Variants in RBFOX1 observed in about 807,000 individuals in gnomAD.
RBFOX1 encodes the protein RNA binding protein fox-1 homolog 1.
Under a neutral mutation model 57.7 loss-of-function variants are expected in RBFOX1, and 8 were observed. That is an observed-to-expected ratio of 0.14 (90% confidence interval 0.08 to 0.25). The LOEUF (loss-of-function observed/expected upper bound fraction) is 0.25, where lower values mean the gene tolerates loss of function less well. Ranked by LOEUF, RBFOX1 falls within the 10% of genes least tolerant of loss-of-function variation. RBFOX1 has a pLI of 1.00. For synonymous variants in RBFOX1, 326 were observed against 222.4 expected (o/e 1.47, Z -4.15); for missense variants, 611 against 548.5 (o/e 1.11, Z -1.14).
At chr16:6,859,162 T>TAC (rs1567593020) in intron 3 of RBFOX1, among the ~76,000 whole-genome samples, 1 of 90,112 alleles carries the variant, frequency 1.1e-5, no homozygotes, top group Non-Finnish European at 2.1e-5. Context: ...TGTATATATA[T>TAC]ACGTATATAT....
intron 1 of RBFOX1, among the ~76,000 whole-genome samples, chr16:5,424,964 C>CTCTTTCTT (rs1317746840): frequency 0.016 from 723 of 46,282 alleles, 71 homozygotes; most frequent in African/African-American, 0.069. Flanking sequence ...TTGTTTCTTT[C>CTCTTTCTT]TCTTTCTTTC....
rs752425405 is a variant in RBFOX1, at chr16:7,491,054, C to A, written c.28-27093C>A. Among the ~76,000 whole-genome samples the A allele has an allele frequency of 7.2e-5, 11 of 152,240 alleles. No homozygotes were observed. The South Asian group carries it at 8.3e-4, about 12-fold the overall frequency. The stretch of plus-strand genomic sequence containing the variant: ...CCATCAACTCCAGATTCTAAAGAGA[C>A]AACCAAATGGCTCACACTTCTTACC... On this transcript the variant is annotated intron_variant, in intron 4 of 15. Transcript: ENST00000550418.
At chr16:5,599,020 C>T in exon 3 of RBFOX1, 1 of 1,388,114 alleles carries the variant, frequency 7.2e-7, no homozygotes, top group Non-Finnish European at 9.9e-7. Context: ...GCATCCTTTT[C>T]AGCCTCTTTG....
intron 14 of RBFOX1, among the ~76,000 whole-genome samples, chr16:7,702,086 C>G (rs892275805): frequency 6.6e-6 from 1 of 152,186 alleles, no homozygotes; most frequent in Admixed American, 6.5e-5. Flanking sequence ...AGATTAAAAT[C>G]TTGGCCATAA....
intron 3 of RBFOX1, among the ~76,000 whole-genome samples, chr16:6,734,304 C>T (rs1214712175): frequency 6.6e-6 from 1 of 152,130 alleles, no homozygotes; most frequent in Non-Finnish European, 1.5e-5. Flanking sequence ...GAGATATTTG[C>T]TTTGTTCAGA....
rs116828820 is a variant in RBFOX1 at position 5,445,210 on chromosome 16, C to G, written c.220-22006C>G. 6.1e-3 allele frequency among the ~76,000 whole-genome samples: 926 copies of G among 152,188 alleles called. 7 individuals carry two copies. Among genetic ancestry groups the G allele is most frequent in the African/African-American group, 0.022 (894 of 41,504 alleles). ...TAGACCAGAGTGATATTGTGAGGGA[C>G]GTGGGAGTAGGGGACTAATATGACA... On this transcript the variant is annotated intron_variant, in intron 1 of 2. Coordinates refer to the RBFOX1 transcript ENST00000585867.
chr16:5,319,965 A>C (rs1249153904), intron 1 of RBFOX1, among the ~76,000 whole-genome samples: 2 of 152,172 alleles, frequency 1.3e-5, no homozygotes, highest in Non-Finnish European at 2.9e-5. Flanking sequence ...ACATCTTCCA[A>C]CATTTTGGTG....
At chr16:5,254,503 T>A (rs1357298458) in intron 1 of RBFOX1, among the ~76,000 whole-genome samples, 3 of 152,308 alleles carry the variant, frequency 2.0e-5, no homozygotes, top group East Asian at 3.9e-4. Flanking sequence ...GGAGTCTGTA[T>A]CATATTTATC....
intron 4 of RBFOX1, among the ~76,000 whole-genome samples, chr16:7,186,326 A>G (rs1483679848): frequency 9.9e-5 from 7 of 70,620 alleles, no homozygotes; most frequent in African/African-American, 4.3e-4. Flanking sequence ...AAATATAAAC[A>G]TAAACATATT....
At chr16:7,290,818 A>G (rs986355074) in intron 4 of RBFOX1, among the ~76,000 whole-genome samples, 1 of 152,232 alleles carries the variant, frequency 6.6e-6, no homozygotes. Context: ...GTTTAGAAGC[A>G]GACAGCTTAT....
intron 3 of RBFOX1, among the ~76,000 whole-genome samples, chr16:6,810,684 G>A (rs1422381114): frequency 6.6e-6 from 1 of 152,098 alleles, no homozygotes; most frequent in African/African-American, 2.4e-5. Context: ...AAGTCCTCTG[G>A]AAACGTACAA....
intron 2 of RBFOX1, among the ~76,000 whole-genome samples, chr16:6,592,584 T>C (rs2097726808): frequency 6.6e-6 from 1 of 152,226 alleles, no homozygotes; most frequent in Non-Finnish European, 1.5e-5. Context: ...GGCTCCACCA[T>C]GTAATACCTT....
intron 3 of RBFOX1, among the ~76,000 whole-genome samples, chr16:5,787,499 A>G (rs1173111495): frequency 6.6e-6 from 1 of 152,222 alleles, no homozygotes; most frequent in Admixed American, 6.5e-5. Flanking sequence ...AGGGGATGAC[A>G]CTGTATAAAC....
At chr16:7,189,982 A>G (rs538313954) in intron 4 of RBFOX1, among the ~76,000 whole-genome samples, 10 of 152,358 alleles carry the variant, frequency 6.6e-5, no homozygotes, top group African/African-American at 2.2e-4. Context: ...TCATTGAGCA[A>G]TGACAAAATC....
At chr16:7,238,182 G>A (rs1012815111) in intron 4 of RBFOX1, among the ~76,000 whole-genome samples, 1 of 152,174 alleles carries the variant, frequency 6.6e-6, no homozygotes, top group Non-Finnish European at 1.5e-5. Flanking sequence ...CAAGGGCTGG[G>A]AGAAAAGAGG....
At chr16:6,385,152 G>A (rs2092157924) in intron 2 of RBFOX1, among the ~76,000 whole-genome samples, 2 of 152,156 alleles carry the variant, frequency 1.3e-5, no homozygotes, top group Admixed American at 1.3e-4. Flanking sequence ...GTCATCATGG[G>A]AAGATGCTCT....
chr16:7,407,355 C>T (rs1427253916), intron 4 of RBFOX1, among the ~76,000 whole-genome samples: 1 of 143,588 alleles, frequency 7.0e-6, no homozygotes, highest in African/African-American at 2.6e-5. Context: ...AGAATTTTGA[C>T]TTCAAGGGAT....
intron 4 of RBFOX1, among the ~76,000 whole-genome samples, chr16:7,181,536 C>T (rs1460876716): frequency 6.7e-6 from 1 of 148,982 alleles, no homozygotes; most frequent in Non-Finnish European, 1.5e-5. Flanking sequence ...CTCCCTTGCT[C>T]TCTCTCTCTT....
intron 2 of RBFOX1, among the ~76,000 whole-genome samples, chr16:6,630,612 T>A (rs192058361): frequency 3.9e-5 from 6 of 152,318 alleles, no homozygotes; most frequent in Non-Finnish European, 4.4e-5. Flanking sequence ...TCCTTGCTAG[T>A]AGGAATCAGA....
Sources: gnomAD v4.1 joint callset for allele counts (sites outside exome capture counted in the v4.1 genomes callset) on GRCh38, gnomAD v4.1.1 for gene constraint, MANE v1.5 for transcripts, NCBI Gene and HGNC (gene_info 2026-07-23, HGNC 2026-07-21) for gene names.